The following EHMT1 variants were observed in gnomAD, a reference collection of about 807,000 sequenced individuals.
EHMT1 encodes the protein euchromatic histone lysine methyltransferase 1.
EHMT1 carries 15 observed loss-of-function variants against 147.2 expected under a neutral mutation model. The ratio of observed to expected loss-of-function variants is 0.10; its 90% CI spans 0.07 to 0.16. EHMT1 has a LOEUF of 0.16. EHMT1 is among the 10% of genes least tolerant of loss of function. EHMT1 has a pLI of 1.00. For synonymous variants in EHMT1, 795 were observed against 709.6 expected (o/e 1.12, Z -1.91); for missense variants, 1,587 against 1,772.4 (o/e 0.90, Z 1.88).
intron 24 of EHMT1, 154 bp downstream of exon 24, chr9:137,817,679 C>G: frequency 1.1e-6 from 1 of 920,272 alleles, no homozygotes; most frequent in Non-Finnish European, 1.7e-6. Context: ...CCCCGAGAAC[C>G]AAGCTCGTGC....
At chr9:137,704,885 C>T (rs560326609) in intron 1 of EHMT1, among the ~76,000 whole-genome samples, 15 of 146,116 alleles carry the variant, frequency 1.0e-4, no homozygotes, top group Non-Finnish European at 2.0e-4. Context: ...TCCCTCCCTC[C>T]CTCCTTTCCT....
In EHMT1 at chr9:137,744,036, A is replaced by G. The variant is rs1238717483; in HGVS notation, c.1116A>G (p.Thr372=). Reference sequence around the variant, plus strand: ...CAGAGCAGGCGGCCGCGTTCCCCACAGAGGACAGCAGGACTTCCAAGGAGA... The same window carrying G: ...CAGAGCAGGCGGCCGCGTTCCCCACGGAGGACAGCAGGACTTCCAAGGAGA... ...HGAEQAAAFP[T]EDSRTSKESM... The change falls in exon 6 of 27, where the codon ACA becomes ACG. Residue 372 remains threonine, a synonymous_variant. Coordinates refer to ENST00000460843, the MANE Select transcript of EHMT1 (RefSeq NM_024757.5). The G allele has an allele frequency of 6.2e-7, 1 of 1,614,030 alleles. No homozygotes were observed. The highest frequency in any genetic ancestry group is 1.3e-5 in the African/African-American group (1 of 74,932).
intron 3 of EHMT1, among the ~76,000 whole-genome samples, chr9:137,727,997 C>A (rs1946778311): frequency 6.6e-6 from 1 of 152,226 alleles, no homozygotes; most frequent in African/African-American, 2.4e-5. Context: ...GGGGTTGGAA[C>A]ATTTTTTTCT....
intron 1 of EHMT1, among the ~76,000 whole-genome samples, chr9:137,683,410 TA>T: frequency 6.6e-6 from 1 of 152,348 alleles, no homozygotes; most frequent in East Asian, 1.9e-4. Flanking sequence ...AACATTCATG[TA>T]TAACCTTCCA....
chr9:137,704,551 T>G (rs573523130), intron 1 of EHMT1, among the ~76,000 whole-genome samples: 29 of 152,300 alleles, frequency 1.9e-4, no homozygotes, highest in African/African-American at 7.0e-4. Flanking sequence ...AGGAGTGTCC[T>G]TGGGTCATCC....
At chr9:137,733,322 G>A (rs1007134303) in intron 4 of EHMT1, among the ~76,000 whole-genome samples, 22 of 152,184 alleles carry the variant, frequency 1.4e-4, no homozygotes, top group Admixed American at 1.1e-3. Context: ...TCTTTCCCAC[G>A]TGTAGCGGTT....
Position 137,813,211 on chromosome 9 carries a change from C to CG in EHMT1, c.3035+40dup. 6.2e-7 allele frequency: 1 copy of CG among 1,600,842 alleles called. No individual in the cohort carries two copies. Among genetic ancestry groups the CG allele is most frequent in the East Asian group, 2.2e-5 (1 of 44,812 alleles). ...CCAGGACGGCTTTGTGGCAAATCAG[C>CG]GGTCAGCAGGGCTTTGGGAACTTGC... On this transcript the variant is annotated intron_variant, in intron 20 of 26. Coordinates refer to ENST00000460843, the MANE Select transcript of EHMT1 (RefSeq NM_024757.5). The surrounding 1 kb of genome is among the most constrained non-coding windows in gnomAD (Gnocchi z 4.9).
intron 1 of EHMT1, among the ~76,000 whole-genome samples, chr9:137,668,368 C>T (rs1022897389): frequency 5.3e-5 from 8 of 151,878 alleles, no homozygotes; most frequent in African/African-American, 1.9e-4. Flanking sequence ...CACCCACCCA[C>T]TCATCCATCC....
intron 6 of EHMT1, among the ~76,000 whole-genome samples, chr9:137,750,606 G>T (rs1948888031): frequency 6.6e-6 from 1 of 152,218 alleles, no homozygotes; most frequent in Admixed American, 6.5e-5. Context: ...TTTTCTCCAT[G>T]TTTGCCTCTA....
intron 1 of EHMT1, among the ~76,000 whole-genome samples, chr9:137,619,380 C>G (rs950305043): frequency 1.2e-4 from 18 of 151,774 alleles, no homozygotes; most frequent in Non-Finnish European, 1.9e-4. Flanking sequence ...CCGCCGCCCG[C>G]AAGCCGGATC....
intron 10 of EHMT1, among the ~76,000 whole-genome samples, chr9:137,765,617 G>C (rs1160377087): frequency 6.6e-6 from 1 of 151,946 alleles, no homozygotes; most frequent in Non-Finnish European, 1.5e-5. Context: ...CGCCAAGGTG[G>C]AGAAGCGGAG....
rs764913442 is a variant in EHMT1 at position 137,776,585 on chromosome 9, A to G, written c.1792-33A>G. 8.7e-6 allele frequency: 14 copies of G among 1,611,580 alleles called. No individual in the cohort carries two copies. The East Asian group carries it at 3.1e-4, about 36-fold the overall frequency. ...TTTTCTAAATATTAACCCCAATTAA[A>G]ACAAAAATTTTTTTTTGTCCTCCCA... On this transcript the variant is annotated intron_variant, in intron 11 of 26. Coordinates refer to ENST00000460843, the MANE Select transcript of EHMT1 (RefSeq NM_024757.5). The surrounding 1 kb of genome is among the most constrained non-coding windows in gnomAD (Gnocchi z 4.4).
At chr9:137,633,986 T>G (rs1001788348) in intron 1 of EHMT1, among the ~76,000 whole-genome samples, 2 of 152,132 alleles carry the variant, frequency 1.3e-5, no homozygotes, top group African/African-American at 2.4e-5. Flanking sequence ...CTTATTTTTG[T>G]ATTTTTAGTA....
chr9:137,811,198 A>G (rs1297438166), intron 18 of EHMT1, among the ~76,000 whole-genome samples: 4 of 152,050 alleles, frequency 2.6e-5, no homozygotes, highest in Admixed American at 2.6e-4. Flanking sequence ...TTTATTCTTT[A>G]CTGTGATTAT....
intron 4 of EHMT1, among the ~76,000 whole-genome samples, chr9:137,736,222 G>A (rs1373849920): frequency 6.6e-6 from 1 of 152,014 alleles, no homozygotes; most frequent in Non-Finnish European, 1.5e-5. Context: ...AGACTAAGAA[G>A]GACAATATAT....
chr9:137,673,323 T>G (rs955599163), intron 1 of EHMT1, among the ~76,000 whole-genome samples: 2 of 152,212 alleles, frequency 1.3e-5, no homozygotes, highest in East Asian at 3.8e-4. Flanking sequence ...TTATATTTGT[T>G]GTATTTCTGA....
chr9:137,624,185 T>G (rs1419881840), intron 1 of EHMT1, among the ~76,000 whole-genome samples: 1 of 151,914 alleles, frequency 6.6e-6, no homozygotes, highest in Non-Finnish European at 1.5e-5. Context: ...GTATTTTTAG[T>G]AGAGACGGGG....
chr9:137,664,166 A>G (rs1004531681), intron 1 of EHMT1, among the ~76,000 whole-genome samples: 13 of 152,042 alleles, frequency 8.6e-5, no homozygotes, highest in African/African-American at 3.1e-4. Context: ...CAGTCTCCCA[A>G]GGAGCTGGGA....
intron 1 of EHMT1, among the ~76,000 whole-genome samples, chr9:137,710,712 T>C (rs1403027531): frequency 6.6e-6 from 1 of 152,206 alleles, no homozygotes; most frequent in African/African-American, 2.4e-5. Flanking sequence ...ATATAAATGA[T>C]ACATGAATGC....
Sources: gnomAD v4.1 joint callset for allele counts (sites outside exome capture counted in the v4.1 genomes callset) on GRCh38, gnomAD v4.1.1 for gene constraint, Gnocchi (gnomAD v3.1) non-coding constraint, MANE v1.5 for transcripts, NCBI Gene and HGNC (gene_info 2026-07-23, HGNC 2026-07-21) for gene names.